Variants in ERBB4 observed in about 807,000 individuals in gnomAD.
ERBB4 encodes receptor tyrosine-protein kinase erbB-4.
In ERBB4, 42 loss-of-function variants were observed where a neutral mutation model predicts 158.0. That is an observed-to-expected ratio of 0.27 (90% CI 0.21 to 0.34). ERBB4 has a LOEUF of 0.34. ERBB4 is among the 10% of genes least tolerant of loss of function. The pLI is 1.00. For synonymous variants in ERBB4, 583 were observed against 558.7 expected (o/e 1.04, Z -0.61); for missense variants, 1,333 against 1,624.1 (o/e 0.82, Z 3.08).
chr2:211,764,754 A>G (rs987553160), intron 4 of ERBB4, among the ~76,000 whole-genome samples: 1 of 151,530 alleles, frequency 6.6e-6, no homozygotes, highest in Non-Finnish European at 1.5e-5. Flanking sequence ...AGGAGGGAAG[A>G]GCACCCAAAA....
chr2:211,742,174 G>A (rs1335296206), intron 5 of ERBB4, among the ~76,000 whole-genome samples: 1 of 152,194 alleles, frequency 6.6e-6, no homozygotes, highest in African/African-American at 2.4e-5. Context: ...CTCTTTCCCT[G>A]TTCCCCATTA....
chr2:212,244,607 C>G (rs1158963251), intron 1 of ERBB4, among the ~76,000 whole-genome samples: 3 of 152,102 alleles, frequency 2.0e-5, no homozygotes, highest in Non-Finnish European at 4.4e-5. Context: ...TTCTATTTCA[C>G]CATATGTTTT....
At chr2:211,847,631 G>A (rs11903468) in intron 3 of ERBB4, among the ~76,000 whole-genome samples, 5 of 91,140 alleles carry the variant, frequency 5.5e-5, no homozygotes, top group Admixed American at 1.9e-4. Context: ...AAAACATTAT[G>A]ATTTTTTTTT....
intron 2 of ERBB4, among the ~76,000 whole-genome samples, chr2:212,056,219 G>T (rs2077563208): frequency 6.6e-6 from 1 of 152,064 alleles, no homozygotes; most frequent in Non-Finnish European, 1.5e-5. Context: ...GAGAAGAGAA[G>T]TTTAGAGAAA....
At chr2:212,192,047 T>TATGTTATAA (rs1559707798) in intron 1 of ERBB4, among the ~76,000 whole-genome samples, 17 of 87,498 alleles carry the variant, frequency 1.9e-4, no homozygotes, top group South Asian at 1.7e-3. Flanking sequence ...GTTATATATA[T>TATGTTATAA]GTTATATGTT....
chr2:211,912,420 G>A (rs546266409), intron 3 of ERBB4, among the ~76,000 whole-genome samples: 5 of 151,958 alleles, frequency 3.3e-5, no homozygotes, highest in African/African-American at 1.2e-4. Flanking sequence ...TGAAGGATAG[G>A]TTAATAACTT....
intron 25 of ERBB4, among the ~76,000 whole-genome samples, chr2:211,388,538 T>C (rs1210004580): frequency 2.6e-5 from 4 of 152,060 alleles, no homozygotes; most frequent in African/African-American, 9.6e-5. Context: ...TTAAAAGGTA[T>C]ATGCTATTTT....
intron 2 of ERBB4, among the ~76,000 whole-genome samples, chr2:212,061,386 G>A (rs1323907286): frequency 6.7e-6 from 1 of 148,856 alleles, no homozygotes; most frequent in Admixed American, 6.7e-5. Context: ...CCAGGAGGGG[G>A]AGGTTGCAGT....
chr2:211,922,380 G>C (rs1575381412), intron 3 of ERBB4, among the ~76,000 whole-genome samples: 1 of 152,218 alleles, frequency 6.6e-6, no homozygotes, highest in African/African-American at 2.4e-5. Context: ...AATATCAAAA[G>C]TCTCTCTGAA....
chr2:212,340,229 C>G (rs1346689415), intron 1 of ERBB4, among the ~76,000 whole-genome samples: 2 of 151,902 alleles, frequency 1.3e-5, no homozygotes, highest in African/African-American at 4.8e-5. Flanking sequence ...ACTCCATGAT[C>G]TCAAATTATT....
chr2:211,779,260 T>G (rs962086565), intron 4 of ERBB4: 1 of 152,234 alleles, frequency 6.6e-6, no homozygotes, highest in African/African-American at 2.4e-5. Flanking sequence ...GCCCTACGAT[T>G]AATTTTCCTT....
At chr2:212,226,294 G>A (rs930468798) in intron 1 of ERBB4, among the ~76,000 whole-genome samples, 2 of 152,094 alleles carry the variant, frequency 1.3e-5, no homozygotes, top group Non-Finnish European at 2.9e-5. Flanking sequence ...TCAGTCACCA[G>A]ATGAGAACTC....
intron 2 of ERBB4, among the ~76,000 whole-genome samples, chr2:211,993,534 C>T (rs1261006641): frequency 6.6e-6 from 1 of 151,788 alleles, no homozygotes; most frequent in African/African-American, 2.4e-5. Flanking sequence ...AGGATGACAA[C>T]GTTATCACCC....
intron 2 of ERBB4, among the ~76,000 whole-genome samples, chr2:212,118,487 C>A (rs1249762330): frequency 6.6e-6 from 1 of 152,064 alleles, no homozygotes; most frequent in African/African-American, 2.4e-5. Flanking sequence ...TAGTATAGAT[C>A]CTTTACTAGC....
At chr2:211,491,062 T>A (rs1035317064) in intron 20 of ERBB4, among the ~76,000 whole-genome samples, 2 of 152,122 alleles carry the variant, frequency 1.3e-5, no homozygotes, top group African/African-American at 4.8e-5. Flanking sequence ...CTGTGGGATT[T>A]GTGAAGTCTC....
chr2:212,201,865 T>C (rs892292791), intron 1 of ERBB4, among the ~76,000 whole-genome samples: 2 of 152,204 alleles, frequency 1.3e-5, no homozygotes, highest in Non-Finnish European at 2.9e-5. Context: ...CTTAGTCATA[T>C]AGCCCTACTA....
At chr2:211,514,844 T>G (rs1204365285) in intron 20 of ERBB4, among the ~76,000 whole-genome samples, 2 of 152,170 alleles carry the variant, frequency 1.3e-5, no homozygotes, top group Non-Finnish European at 2.9e-5. Flanking sequence ...GATGAGCATT[T>G]TCTTTGAGTA....
At chr2:211,990,142 C>G (rs1011864421) in intron 2 of ERBB4, among the ~76,000 whole-genome samples, 1 of 151,898 alleles carries the variant, frequency 6.6e-6, no homozygotes, top group African/African-American at 2.4e-5. Flanking sequence ...CATTTCCTAT[C>G]ATGAATTAAA....
At chr2:212,445,895 C>T (rs188581079) in intron 1 of ERBB4, among the ~76,000 whole-genome samples, 203 of 152,316 alleles carry the variant, frequency 1.3e-3, no homozygotes, top group Non-Finnish European at 2.1e-3. Flanking sequence ...CTGTAATTGT[C>T]ATGATTATTT....
Sources: allele counts gnomAD v4.1 joint callset (sites outside exome capture counted in the v4.1 genomes callset), GRCh38; gene constraint gnomAD v4.1.1; transcripts MANE v1.5; gene names NCBI Gene and HGNC (gene_info 2026-07-23, HGNC 2026-07-21).